TLE1: variants seen among roughly 807,000 people sequenced by gnomAD.
TLE1 encodes the protein transducin-like enhancer protein 1.
A neutral mutation model predicts 89.8 loss-of-function variants in TLE1; 21 were observed. That is an observed-to-expected ratio of 0.23 (90% CI 0.17 to 0.34). The LOEUF (loss-of-function observed/expected upper bound fraction) is 0.34. Among genes scored for constraint, TLE1 ranks in the 10% least tolerant of loss-of-function variants. TLE1 has a pLI of 1.00. For missense variants in TLE1, 795 were observed against 1,031.2 expected (o/e 0.77, Z 3.14); for synonymous variants, 447 against 407.6 (o/e 1.10, Z -1.16).
At chr9:81,647,858 C>T (rs745637799) in intron 6 of TLE1, among the ~76,000 whole-genome samples, 3 of 152,180 alleles carry the variant, frequency 2.0e-5, no homozygotes, top group Admixed American at 6.5e-5. Context: ...TTACCAAAAA[C>T]ACCATGAAAT....
intron 4 of TLE1, among the ~76,000 whole-genome samples, chr9:81,656,493 T>C (rs116869790): frequency 0.032 from 4,798 of 152,258 alleles, 98 homozygotes; most frequent in Non-Finnish European, 0.045. Context: ...CAGATACATA[T>C]ACAGAAATAT....
chr9:81,686,655 C>G (rs1050653758), intron 2 of TLE1, among the ~76,000 whole-genome samples: 2 of 152,156 alleles, frequency 1.3e-5, no homozygotes, highest in African/African-American at 4.8e-5. Flanking sequence ...GGGAAAGAAA[C>G]TAACCTTTCT....
intron 4 of TLE1, among the ~76,000 whole-genome samples, chr9:81,685,381 G>A (rs902623926): frequency 6.6e-6 from 1 of 152,104 alleles, no homozygotes; most frequent in Non-Finnish European, 1.5e-5. Flanking sequence ...CTTTCAAGAG[G>A]ATAAATCTAT....
chr9:81,588,247 G>A (rs1048862669), intron 16 of TLE1, among the ~76,000 whole-genome samples: 1 of 152,172 alleles, frequency 6.6e-6, no homozygotes, highest in Non-Finnish European at 1.5e-5. Flanking sequence ...AATCGTGCAG[G>A]CCTGAGTCCG....
intron 8 of TLE1, among the ~76,000 whole-genome samples, chr9:81,623,830 A>C (rs1825589690): frequency 6.6e-6 from 1 of 152,056 alleles, no homozygotes; most frequent in Admixed American, 6.6e-5. Context: ...AAAAAAATAA[A>C]AATGGTCATG....
intron 8 of TLE1, among the ~76,000 whole-genome samples, chr9:81,630,165 T>C (rs1444635492): frequency 6.6e-6 from 1 of 151,974 alleles, no homozygotes; most frequent in Non-Finnish European, 1.5e-5. Context: ...GAGTTCGTCT[T>C]ATTTATGGCC....
At chr9:81,667,821 C>T (rs908881597) in intron 4 of TLE1, among the ~76,000 whole-genome samples, 4 of 152,124 alleles carry the variant, frequency 2.6e-5, no homozygotes, top group African/African-American at 9.7e-5. Context: ...ATCAATATCA[C>T]ATGCCAAAAA....
At chr9:81,624,378 C>CAG (rs1165650446) in intron 8 of TLE1, among the ~76,000 whole-genome samples, 1 of 152,136 alleles carries the variant, frequency 6.6e-6, no homozygotes, top group East Asian at 1.9e-4. Context: ...CAAAGCAGCC[C>CAG]AGGTACACAC....
Position 81,667,723 on chromosome 9 carries a change from C to T in TLE1, c.235-13687G>A, listed in dbSNP as rs372696198. Among the ~76,000 whole-genome samples the T allele has an allele frequency of 1.1e-4, 17 of 150,602 alleles. 1 individual carries two copies. The highest frequency in any genetic ancestry group is 1.7e-4 in the African/African-American group (7 of 40,844). Reference sequence around the variant, plus strand: ...CCTTGAGCTGTATTCCTGCTCCCCCCCAAGCTGAGTGGCTGGGGAGAGGTG... The same window carrying T: ...CCTTGAGCTGTATTCCTGCTCCCCCTCAAGCTGAGTGGCTGGGGAGAGGTG... On this transcript the variant is annotated intron_variant, in intron 4 of 19. Coordinates refer to ENST00000376499, the MANE Select transcript of TLE1 (RefSeq NM_005077.5).
intron 4 of TLE1, among the ~76,000 whole-genome samples, chr9:81,668,394 A>G (rs1442269565): frequency 2.6e-5 from 4 of 152,196 alleles, no homozygotes; most frequent in Non-Finnish European, 5.9e-5. Context: ...AAGTATTTAG[A>G]AGAGAGTAAG....
chr9:81,603,917 G>A (rs1223558938), intron 14 of TLE1, among the ~76,000 whole-genome samples: 1 of 152,094 alleles, frequency 6.6e-6, no homozygotes, highest in Non-Finnish European at 1.5e-5. Context: ...CAGGAGAATC[G>A]CTTGAACCCG....
chr9:81,620,916 G>C, intron 8 of TLE1: 2 of 540,518 alleles, frequency 3.7e-6, no homozygotes, highest in Non-Finnish European at 7.1e-6. Flanking sequence ...TGGCCTATGA[G>C]CAAATCTTGA....
intron 4 of TLE1, among the ~76,000 whole-genome samples, chr9:81,660,934 A>AACACAC (rs548190067): frequency 0.028 from 2,507 of 88,804 alleles, 82 homozygotes; most frequent in East Asian, 0.048. Context: ...ATCCCTACTA[A>AACACAC]ACACACACAC....
At chr9:81,662,520 C>T (rs984931175) in intron 4 of TLE1, among the ~76,000 whole-genome samples, 4 of 151,672 alleles carry the variant, frequency 2.6e-5, no homozygotes, top group Middle Eastern at 3.4e-3. Context: ...ACATGGTGAA[C>T]CCTGTCTCTA....
Position 81,654,706 on chromosome 9 carries a change from C to T in TLE1, c.235-670G>A, listed in dbSNP as rs368407658. On this transcript the variant is annotated intron_variant, in intron 4 of 19. Coordinates refer to ENST00000376499, the MANE Select transcript of TLE1 (RefSeq NM_005077.5). Reference sequence around the variant, plus strand: ...TGTCATTATTGCAAGTTCATTCAAGCGGGTGTCAGAAGCCACTGCAGCTGC... The same window carrying T: ...TGTCATTATTGCAAGTTCATTCAAGTGGGTGTCAGAAGCCACTGCAGCTGC... Among the ~76,000 whole-genome samples the T allele has an allele frequency of 1.6e-4, 24 of 152,270 alleles. No homozygotes were observed. The South Asian group carries it at 4.1e-3, about 26-fold the overall frequency.
intron 14 of TLE1, among the ~76,000 whole-genome samples, chr9:81,608,968 A>T (rs913904202): frequency 5.3e-5 from 8 of 152,010 alleles, no homozygotes; most frequent in Admixed American, 4.6e-4. Context: ...AAAGAAAGAA[A>T]AAGAAAAAGA....
At chr9:81,589,766 GA>G (rs1185501925) in intron 16 of TLE1, among the ~76,000 whole-genome samples, 1 of 152,118 alleles carries the variant, frequency 6.6e-6, no homozygotes, top group Non-Finnish European at 1.5e-5. Context: ...TTTAAAAAAA[GA>G]AAAAAACAAG....
chr9:81,584,113 C>T lies in TLE1; in HGVS notation c.*85G>A. On this transcript the variant is annotated 3_prime_UTR_variant, in exon 20 of 20. Coordinates refer to ENST00000376499, the MANE Select transcript of TLE1 (RefSeq NM_005077.5). ...AACAGGTGTTTGTAATTTTTTTTCT[C>T]TTTTAAAGTTACAACTTTTCTATTT... The T allele has an allele frequency of 3.9e-6, 5 of 1,269,596 alleles. No homozygotes were observed. The highest frequency in any genetic ancestry group is 1.9e-5 in the Admixed American group (1 of 52,958). The allele number at this position is 1,269,596 out of a possible 1,614,324, so 78.6% of individuals were successfully genotyped here. A position where few individuals can be genotyped will look rare whatever the true frequency, so the allele number is the denominator to read the frequency against.
intron 9 of TLE1, among the ~76,000 whole-genome samples, chr9:81,618,428 C>T (rs1365901542): frequency 6.6e-6 from 1 of 152,126 alleles, no homozygotes; most frequent in Non-Finnish European, 1.5e-5. Flanking sequence ...CAGAGCACTA[C>T]ACGTGAGAGA....
Sources: allele counts gnomAD v4.1 joint callset (sites outside exome capture counted in the v4.1 genomes callset), GRCh38; gene constraint gnomAD v4.1.1; transcripts MANE v1.5; gene names NCBI Gene and HGNC (gene_info 2026-07-23, HGNC 2026-07-21).